The following EYA1 variants were observed in gnomAD, a reference collection of about 807,000 sequenced individuals.
EYA1 encodes the protein protein phosphatase EYA1.
A neutral mutation model predicts 82.0 loss-of-function variants in EYA1; 16 were observed. The ratio of observed to expected loss-of-function variants is 0.20; its 90% CI spans 0.13 to 0.30. The LOEUF (loss-of-function observed/expected upper bound fraction) is 0.30. EYA1 is among the 10% of genes least tolerant of loss of function. EYA1 has a pLI of 1.00. For missense variants in EYA1, 633 were observed against 730.7 expected (o/e 0.87, Z 1.54); for synonymous variants, 261 against 264.4 (o/e 0.99, Z 0.12).
intron 7 of EYA1, among the ~76,000 whole-genome samples, chr8:71,315,537 C>A (rs1360534994): frequency 6.6e-6 from 1 of 152,204 alleles, no homozygotes; most frequent in Non-Finnish European, 1.5e-5. Context: ...CCTGATGTCT[C>A]CCGGAGGAAT....
At chr8:71,244,133 G>A (rs1159234176) in intron 12 of EYA1, among the ~76,000 whole-genome samples, 1 of 152,166 alleles carries the variant, frequency 6.6e-6, no homozygotes, top group Non-Finnish European at 1.5e-5. Context: ...TGTGACATAA[G>A]CAGTCCTGGC....
At chr8:71,254,024 T>A (rs1814071032) in intron 11 of EYA1, among the ~76,000 whole-genome samples, 1 of 152,134 alleles carries the variant, frequency 6.6e-6, no homozygotes, top group Non-Finnish European at 1.5e-5. Flanking sequence ...TACAGATATT[T>A]GATTCAGATC....
intron 12 of EYA1, among the ~76,000 whole-genome samples, chr8:71,233,547 G>C (rs1811482630): frequency 6.9e-6 from 1 of 144,002 alleles, no homozygotes; most frequent in Non-Finnish European, 1.5e-5. Context: ...CTGGGCGACA[G>C]AGTGAGACTC....
At chr8:71,256,671 A>C (rs1814461551) in intron 11 of EYA1, among the ~76,000 whole-genome samples, 1 of 152,190 alleles carries the variant, frequency 6.6e-6, no homozygotes, top group Admixed American at 6.5e-5. Flanking sequence ...AAAATGGTTA[A>C]GAAGGTAAAA....
intron 6 of EYA1, among the ~76,000 whole-genome samples, chr8:71,321,532 C>T (rs1822545396): frequency 6.6e-6 from 1 of 152,200 alleles, no homozygotes; most frequent in South Asian, 2.1e-4. Context: ...ACCACATAAT[C>T]TTTTCGCTAC....
In EYA1 at chr8:71,297,577, T is replaced by C. The variant is rs1327045647; in HGVS notation, c.826+1470A>G. 3.9e-5 allele frequency among the ~76,000 whole-genome samples: 6 copies of C among 152,162 alleles called. No homozygotes were observed. In the East Asian group the frequency reaches 1.2e-3, roughly 29 times the overall value. On this transcript the variant is annotated intron_variant, in intron 9 of 17. Transcript: ENST00000340726. ...TTCATTTCAAAACTCCTTTTAGTTTTCAGGAAGCTTGCATGACACAGGTGG... is the reference window on the plus strand; with the variant it reads ...TTCATTTCAAAACTCCTTTTAGTTTCCAGGAAGCTTGCATGACACAGGTGG...
intron 2 of EYA1, among the ~76,000 whole-genome samples, chr8:71,464,303 C>A (rs1260864714): frequency 6.6e-6 from 1 of 152,190 alleles, no homozygotes; most frequent in Non-Finnish European, 1.5e-5. Context: ...ACGGATGCCA[C>A]ATTAATGCTT....
At chr8:71,395,344 G>A (rs1829531685) in intron 2 of EYA1, among the ~76,000 whole-genome samples, 1 of 152,222 alleles carries the variant, frequency 6.6e-6, no homozygotes, top group South Asian at 2.1e-4. Flanking sequence ...TAGGAGTGGT[G>A]AGAGAGGGCA....
chr8:71,327,011 C>T (rs1305879114), intron 4 of EYA1, among the ~76,000 whole-genome samples: 2 of 152,196 alleles, frequency 1.3e-5, no homozygotes, highest in Non-Finnish European at 2.9e-5. Flanking sequence ...TGCTCAGATG[C>T]CCTGTCCTCT....
In EYA1 at chr8:71,307,753, G is replaced by A. The variant is rs550684991; in HGVS notation, c.557-8033C>T. On this transcript the variant is annotated intron_variant, in intron 7 of 17. Transcript: ENST00000340726. ...ACCCCAGACATGGTACAAGAACTTCGCATCCACATACCATCGGAGCATGCC... is the reference window on the plus strand; with the variant it reads ...ACCCCAGACATGGTACAAGAACTTCACATCCACATACCATCGGAGCATGCC... Among the ~76,000 whole-genome samples the A allele has an allele frequency of 2.6e-5, 4 of 152,192 alleles. No individual in the cohort carries two copies. The East Asian group carries it at 7.7e-4, about 29-fold the overall frequency.
At chr8:71,419,596 A>G (rs777508183) in intron 2 of EYA1, among the ~76,000 whole-genome samples, 4 of 152,184 alleles carry the variant, frequency 2.6e-5, no homozygotes, top group Non-Finnish European at 5.9e-5. Flanking sequence ...TGGGTTCAAA[A>G]TTGTTGAAAC....
chr8:71,384,617 A>T (rs1828878032), intron 2 of EYA1, among the ~76,000 whole-genome samples: 1 of 152,244 alleles, frequency 6.6e-6, no homozygotes, highest in Admixed American at 6.5e-5. Context: ...AGATCTCAGA[A>T]CAATCAAACA....
In EYA1 at chr8:71,457,677, C is replaced by T. The variant is rs541460658; in HGVS notation, c.33+78067G>A. On this transcript the variant is annotated intron_variant, in intron 2 of 18. Transcript: ENST00000643681. ...ATCACAAGGACAAAAAACCAAACAC[C>T]GCATGTTCTCACTCATAGGTGGGAA... 3.1e-4 allele frequency among the ~76,000 whole-genome samples: 47 copies of T among 152,200 alleles called. No individual in the cohort carries two copies. The East Asian group carries it at 3.3e-3, about 11-fold the overall frequency.
At chr8:71,370,834 A>G (rs1477683911) in intron 2 of EYA1, among the ~76,000 whole-genome samples, 1 of 151,828 alleles carries the variant, frequency 6.6e-6, no homozygotes, top group African/African-American at 2.4e-5. Flanking sequence ...TCTGTTGCCC[A>G]GGCAAGTCTC....
chr8:71,460,967 T>C (rs1808314742), intron 2 of EYA1, among the ~76,000 whole-genome samples: 1 of 152,216 alleles, frequency 6.6e-6, no homozygotes, highest in South Asian at 2.1e-4. Flanking sequence ...TTCTGTTAAT[T>C]ACATTGTCTG....
At chr8:71,440,191 A>G (rs1261106821) in intron 2 of EYA1, among the ~76,000 whole-genome samples, 1 of 152,170 alleles carries the variant, frequency 6.6e-6, no homozygotes, top group African/African-American at 2.4e-5. Flanking sequence ...CTGGAGTCAG[A>G]AGATTTGGAC....
chr8:71,422,193 A>C (rs1008063191), intron 2 of EYA1, among the ~76,000 whole-genome samples: 1 of 152,220 alleles, frequency 6.6e-6, no homozygotes, highest in African/African-American at 2.4e-5. Flanking sequence ...GAAGCCTCCC[A>C]GATATATTTT....
chr8:71,498,078 T>C (rs1280669043), intron 2 of EYA1, among the ~76,000 whole-genome samples: 1 of 152,028 alleles, frequency 6.6e-6, no homozygotes, highest in African/African-American at 2.4e-5. Context: ...GGGGGGATGT[T>C]AATGAAAGGA....
At position 71,374,363 on chromosome 8, in the gene EYA1, C is replaced by G. The variant is rs116476746; in HGVS notation, c.34-17852G>C. ...TTTTCTAAAACAGACATACAAATGG[C>G]CAACATGTATATAAAAAGATAATCA... is the stretch of plus-strand genomic sequence containing the variant. On this transcript the variant is annotated intron_variant, in intron 2 of 18. Transcript: ENST00000643681. Among the ~76,000 whole-genome samples, 1,177 of 152,112 alleles carry G rather than the reference C, an allele frequency of 7.7e-3. 17 individuals carry two copies. The highest frequency in any genetic ancestry group is 0.027 in the African/African-American group (1,125 of 41,488).
Sources: gnomAD v4.1 joint callset for allele counts (sites outside exome capture counted in the v4.1 genomes callset) on GRCh38, gnomAD v4.1.1 for gene constraint, MANE v1.5 for transcripts, NCBI Gene and HGNC (gene_info 2026-07-23, HGNC 2026-07-21) for gene names.